SAMMSON: variants seen among roughly 807,000 people sequenced by gnomAD.
SAMMSON encodes the protein survival associated mitochondrial melanoma specific oncogenic non-coding RNA, also known as long intergenic non-protein coding RNA 1212.
At position 70,386,096 on chromosome 3, in the gene SAMMSON, A is replaced by G. The variant is rs528918640; in HGVS notation, n.914-3478A>G. ...CTTGCCTCCATGCTTTGGGAGCAGT[A>G]TAGCATAATACTGTTGGCAAGAGCG... On this transcript the variant is annotated intron_variant and non_coding_transcript_variant, in intron 9 of 9. Transcript: ENST00000642114. Among the ~76,000 whole-genome samples the G allele has an allele frequency of 9.9e-5, 15 of 152,256 alleles. No individual in the cohort carries two copies. The East Asian group carries it at 2.7e-3, about 28-fold the overall frequency.
At chr3:70,195,803 C>T (rs1701170833) in intron 4 of SAMMSON, among the ~76,000 whole-genome samples, 1 of 152,164 alleles carries the variant, frequency 6.6e-6, no homozygotes, top group Non-Finnish European at 1.5e-5. Context: ...AAGTAAAGAA[C>T]ATTCCAAAGT....
At chr3:70,329,832 G>A (rs528120580) in intron 7 of SAMMSON, among the ~76,000 whole-genome samples, 2 of 151,800 alleles carry the variant, frequency 1.3e-5, no homozygotes, top group East Asian at 1.9e-4. Context: ...GAAATAAAAG[G>A]TTTCTAATTG....
chr3:70,244,798 G>A (rs947647618), intron 4 of SAMMSON, among the ~76,000 whole-genome samples: 10 of 152,214 alleles, frequency 6.6e-5, no homozygotes, highest in East Asian at 5.8e-4. Flanking sequence ...ATACACATAC[G>A]TCTCTATGTA....
At chr3:70,067,355 T>C (rs1470176252) in intron 3 of SAMMSON, among the ~76,000 whole-genome samples, 2 of 152,122 alleles carry the variant, frequency 1.3e-5, no homozygotes, top group Non-Finnish European at 2.9e-5. Flanking sequence ...TTTTAAAATT[T>C]TAAGTGAAAA....
At chr3:70,401,415 G>A (rs1312431934) in intron 2 of SAMMSON, among the ~76,000 whole-genome samples, 2 of 152,098 alleles carry the variant, frequency 1.3e-5, no homozygotes, top group Non-Finnish European at 2.9e-5. Context: ...GCAATTACTA[G>A]CATTTAAGGT....
chr3:70,024,132 C>T (rs1052936631), intron 3 of SAMMSON, among the ~76,000 whole-genome samples: 6 of 152,176 alleles, frequency 3.9e-5, no homozygotes, highest in East Asian at 1.9e-4. Context: ...CTCATTTCCT[C>T]AGTTAGATTG....
At chr3:70,151,814 A>T (rs534964347) in intron 4 of SAMMSON, among the ~76,000 whole-genome samples, 3 of 151,966 alleles carry the variant, frequency 2.0e-5, no homozygotes, top group Non-Finnish European at 4.4e-5. Flanking sequence ...TTTAAACATG[A>T]AGCTCTAGAA....
chr3:70,352,178 C>G (rs1160313549), intron 7 of SAMMSON, among the ~76,000 whole-genome samples: 14 of 149,258 alleles, frequency 9.4e-5, no homozygotes, highest in Admixed American at 9.3e-4. Context: ...AAGTTAAACA[C>G]AAATAACTTC....
chr3:70,231,769 C>A (rs1399922265), intron 4 of SAMMSON, among the ~76,000 whole-genome samples: 2 of 152,106 alleles, frequency 1.3e-5, no homozygotes, highest in African/African-American at 4.8e-5. Flanking sequence ...CCCACGACTG[C>A]CCCCTTGCCC....
intron 1 of SAMMSON, among the ~76,000 whole-genome samples, chr3:70,008,577 T>G (rs1286742241): frequency 1.3e-5 from 2 of 152,220 alleles, no homozygotes; most frequent in African/African-American, 4.8e-5. Context: ...AGTCATGTCA[T>G]CTGCAAACAG....
chr3:70,064,342 AATTAAG>A (rs1202426085), intron 3 of SAMMSON, among the ~76,000 whole-genome samples: 1 of 152,146 alleles, frequency 6.6e-6, no homozygotes, highest in Non-Finnish European at 1.5e-5. Flanking sequence ...TTTACACTTT[AATTAAG>A]CACTTGTAGT....
chr3:70,099,179 T>C (rs1189636318), intron 4 of SAMMSON, among the ~76,000 whole-genome samples: 1 of 152,224 alleles, frequency 6.6e-6, no homozygotes, highest in Non-Finnish European at 1.5e-5. Flanking sequence ...TTAAGATTCT[T>C]GCACATGTAT....
Position 70,336,814 on chromosome 3 carries a change from T to TTGTGTGTGTG in SAMMSON, n.740-17326_740-17317dup, listed in dbSNP as rs71126494. Among the ~76,000 whole-genome samples the TTGTGTGTGTG allele has an allele frequency of 6.9e-3, 871 of 126,652 alleles. 4 individuals carry two copies. Among genetic ancestry groups the TTGTGTGTGTG allele is most frequent in the East Asian group, 0.014 (59 of 4,250 alleles). 83.1% of individuals were successfully genotyped at this position (126,652 alleles called of 152,430 possible). A position where few individuals can be genotyped will look rare whatever the true frequency, so the allele number is the denominator to read the frequency against. ...AGAAGAGTTAAACATAATAGAAAGT[T>TTGTGTGTGTG]TGTGTGTGTGTGTGTGTGTGTGTGT... On this transcript the variant is annotated intron_variant and non_coding_transcript_variant, in intron 7 of 9. Transcript: ENST00000642114.
intron 4 of SAMMSON, among the ~76,000 whole-genome samples, chr3:70,086,755 A>G (rs2067286735): frequency 6.6e-6 from 1 of 152,214 alleles, no homozygotes. Flanking sequence ...GCATGTAATG[A>G]GTTCTCATAC....
chr3:70,364,015 C>G (rs1055126493), intron 9 of SAMMSON, among the ~76,000 whole-genome samples: 1 of 151,780 alleles, frequency 6.6e-6, no homozygotes, highest in African/African-American at 2.4e-5. Flanking sequence ...TTCTTGAGAT[C>G]TTATCTGTTG....
intron 9 of SAMMSON, among the ~76,000 whole-genome samples, chr3:70,366,997 C>G (rs1192054297): frequency 6.6e-6 from 1 of 151,592 alleles, no homozygotes; most frequent in Non-Finnish European, 1.5e-5. Flanking sequence ...TCCGTTCGTA[C>G]TTTTGCTCAT....
intron 9 of SAMMSON, among the ~76,000 whole-genome samples, chr3:70,366,871 A>G (rs1327765166): frequency 6.6e-6 from 1 of 151,586 alleles, no homozygotes; most frequent in Non-Finnish European, 1.5e-5. Context: ...TAGCCATTCT[A>G]ATATATGTGT....
intron 3 of SAMMSON, among the ~76,000 whole-genome samples, chr3:70,029,527 G>A (rs1477611446): frequency 2.6e-5 from 4 of 152,042 alleles, no homozygotes; most frequent in Non-Finnish European, 5.9e-5. Flanking sequence ...GCTGAGGTGG[G>A]CAGATCAGTT....
In SAMMSON at chr3:70,219,145, C is replaced by T. The variant is rs187732939; in HGVS notation, n.508-29962C>T. Among the ~76,000 whole-genome samples the T allele has an allele frequency of 7.9e-5, 12 of 152,280 alleles. No individual in the cohort carries two copies. The East Asian group carries it at 2.3e-3, about 29-fold the overall frequency. On this transcript the variant is annotated intron_variant and non_coding_transcript_variant, in intron 4 of 9. Transcript: ENST00000642114. ...TCTGCATCACAGTCCTTGAAACAGC[C>T]TCTCCTAGCTTTCTTCTAAAACACC...
Sources: gnomAD v4.1 joint callset for allele counts (sites outside exome capture counted in the v4.1 genomes callset) on GRCh38, gnomAD v4.1.1 for gene constraint, MANE v1.5 for transcripts, NCBI Gene and HGNC (gene_info 2026-07-23, HGNC 2026-07-21) for gene names.